The following RNF125 variants were observed in gnomAD, a reference collection of about 807,000 sequenced individuals.
RNF125 encodes ring finger protein 125.
A neutral mutation model predicts 26.0 loss-of-function variants in RNF125; 21 were observed. The ratio of observed to expected loss-of-function variants is 0.81; its 90% CI spans 0.57 to 1.16. The LOEUF is 1.16. Among genes scored for constraint, RNF125 ranks in the 50% most tolerant of loss-of-function variants. The pLI is 0.00. For synonymous variants in RNF125, 95 were observed against 109.2 expected (o/e 0.87, Z 0.81); for missense variants, 270 against 299.4 (o/e 0.90, Z 0.72).
intron 1 of RNF125, among the ~76,000 whole-genome samples, chr18:32,022,390 A>C (rs1265119712): frequency 6.6e-6 from 1 of 152,222 alleles, no homozygotes; most frequent in Non-Finnish European, 1.5e-5. Context: ...GGAAATTTGA[A>C]TTTGATTTTT....
intron 4 of RNF125, among the ~76,000 whole-genome samples, chr18:32,046,323 G>A (rs558392415): frequency 3.3e-5 from 5 of 151,866 alleles, no homozygotes; most frequent in Admixed American, 1.3e-4. Flanking sequence ...AAGGCTGGGC[G>A]TGGTGGCTCA....
chr18:32,040,474 T>C (rs532210352), intron 2 of RNF125, among the ~76,000 whole-genome samples: 101 of 151,998 alleles, frequency 6.6e-4, no homozygotes, highest in Non-Finnish European at 1.2e-3. Context: ...GTTTCCATAT[T>C]GGTCAGGCTG....
the RNF125 span, among the ~76,000 whole-genome samples, chr18:32,078,312 T>C: frequency 6.6e-6 from 1 of 152,178 alleles, no homozygotes; most frequent in Non-Finnish European, 1.5e-5. Flanking sequence ...ATATGCAGGA[T>C]AAAATTTATT....
downstream of RNF125, among the ~76,000 whole-genome samples, chr18:32,074,367 G>C (rs1276075345): frequency 1.3e-5 from 2 of 152,096 alleles, no homozygotes; most frequent in Non-Finnish European, 2.9e-5. Flanking sequence ...TGGATACTGA[G>C]GCATAATAGT....
chr18:32,045,573 G>GA (rs201714997), intron 3 of RNF125, 69 bp from the exon 4 acceptor site: 965 of 913,950 alleles, frequency 1.1e-3, no homozygotes, highest in South Asian at 1.6e-3. Context: ...AAAAAAAAAA[G>GA]AAAAAAAAAG....
At chr18:32,074,420 C>T (rs115689265), downstream of RNF125, among the ~76,000 whole-genome samples, 2,385 of 152,144 alleles carry the variant, frequency 0.016, 66 homozygotes, top group African/African-American at 0.054. Flanking sequence ...GTTGACAAGA[C>T]AGGAAGTACA....
rs192054555 is a variant in RNF125, at chr18:32,038,760, A to G, written c.318+1491A>G. The stretch of plus-strand genomic sequence containing the variant: ...GTTTTGGAGTGCCAAGATCGGGCTT[A>G]TATCTTTATTTTTATTTTTATTTGA... On this transcript the variant is annotated intron_variant, in intron 2 of 5. Coordinates refer to ENST00000217740, the MANE Select transcript of RNF125 (RefSeq NM_017831.4). Among the ~76,000 whole-genome samples, 5 of 152,074 alleles carry G rather than the reference A, an allele frequency of 3.3e-5. No homozygotes were observed. The East Asian group carries it at 9.7e-4, about 30-fold the overall frequency.
chr18:32,038,409 G>C (rs1326066298), intron 2 of RNF125, among the ~76,000 whole-genome samples: 1 of 152,044 alleles, frequency 6.6e-6, no homozygotes, highest in African/African-American at 2.4e-5. Flanking sequence ...ACCATCACCC[G>C]TAATTTGTCA....
intron 1 of RNF125, among the ~76,000 whole-genome samples, chr18:32,021,800 G>A (rs1346697961): frequency 6.6e-6 from 1 of 152,128 alleles, no homozygotes; most frequent in Non-Finnish European, 1.5e-5. Flanking sequence ...TTTGCAAAAT[G>A]TTAAATTTTT....
chr18:32,075,891 A>G (rs2144529284), downstream of RNF125: 1 of 1,141,308 alleles, frequency 8.8e-7, no homozygotes, highest in Non-Finnish European at 1.3e-6. Flanking sequence ...ATCTCTAGAA[A>G]AGAATCCTAG....
In RNF125 at chr18:32,045,692, A is replaced by G; in HGVS notation, c.464A>G (p.Asp155Gly). 1 of 1,612,972 alleles carries G rather than the reference A, an allele frequency of 6.2e-7. No individual in the cohort carries two copies. The highest frequency in any genetic ancestry group is 8.5e-7 in the Non-Finnish European group (1 of 1,179,664). Residue 155 changes from aspartate to glycine, a missense_variant, in exon 4 of 6, where the codon GAT becomes GGT. Transcript: ENST00000217740. ...GAACTGTATGAAGACAGCTTGCTGG[A>G]TCATTGTATTACTCATCACAGATCG... The part of the protein sequence containing the change: ...QRELYEDSLL[D>G]HCITHHRSER...
chr18:32,036,163 A>AAAAAAAGAGAAGG (rs1012630898), intron 1 of RNF125, among the ~76,000 whole-genome samples: 1 of 151,922 alleles, frequency 6.6e-6, no homozygotes, highest in Non-Finnish European at 1.5e-5. Context: ...TCAAAAAAAA[A>AAAAAAAGAGAAGG]AAAAAAAGAG....
At chr18:32,074,874 T>A (rs2039559375), downstream of RNF125, among the ~76,000 whole-genome samples, 1 of 152,234 alleles carries the variant, frequency 6.6e-6, no homozygotes, top group Admixed American at 6.5e-5. Context: ...TAATTTTACT[T>A]AAAGTTTGGG....
At chr18:32,077,639 G>A (rs140597143), downstream of RNF125, among the ~76,000 whole-genome samples, 1,481 of 151,946 alleles carry the variant, frequency 9.7e-3, 24 homozygotes, top group African/African-American at 0.034. Context: ...GGGATTACAG[G>A]TGTGAGCCAC....
intron 4 of RNF125, among the ~76,000 whole-genome samples, chr18:32,053,907 G>C (rs1029340678): frequency 6.6e-6 from 1 of 152,060 alleles, no homozygotes; most frequent in South Asian, 2.1e-4. Context: ...AAGACTAGGG[G>C]GGGAGACAGG....
At chr18:32,060,498 A>G (rs942226038) in intron 4 of RNF125, among the ~76,000 whole-genome samples, 1 of 152,216 alleles carries the variant, frequency 6.6e-6, no homozygotes, top group African/African-American at 2.4e-5. Flanking sequence ...GAAAAAGCCC[A>G]TACAGAGATG....
At chr18:32,065,047 A>G (rs2144515150) in intron 4 of RNF125, among the ~76,000 whole-genome samples, 1 of 152,356 alleles carries the variant, frequency 6.6e-6, no homozygotes, top group South Asian at 2.1e-4. Context: ...TGAAACAAAT[A>G]GTTATATTGT....
chr18:32,040,269 CTTTT>C (rs1185186501), intron 2 of RNF125, among the ~76,000 whole-genome samples: 2 of 104,490 alleles, frequency 1.9e-5, no homozygotes, highest in Non-Finnish European at 1.8e-5. Context: ...CAATTTCTTT[CTTTT>C]TTTTTTTTTT....
intron 1 of RNF125, among the ~76,000 whole-genome samples, chr18:32,034,474 CCCTGTATGTG>C (rs2039132227): frequency 6.6e-6 from 1 of 152,104 alleles, no homozygotes; most frequent in Non-Finnish European, 1.5e-5. Context: ...AAGCAACTTA[CCCTGTATGTG>C]CCTTGGTTTC....
Sources: gnomAD v4.1 joint callset for allele counts (sites outside exome capture counted in the v4.1 genomes callset) on GRCh38, gnomAD v4.1.1 for gene constraint, MANE v1.5 for transcripts, NCBI Gene and HGNC (gene_info 2026-07-23, HGNC 2026-07-21) for gene names.